STK32C: variants seen among roughly 807,000 people sequenced by gnomAD.
STK32C encodes the protein serine/threonine-protein kinase 32C.
In STK32C, 31 loss-of-function variants were observed where a neutral mutation model predicts 56.5. The observed-to-expected ratio is 0.55, with a 90% confidence interval of 0.41 to 0.74. STK32C has a LOEUF of 0.74. STK32C is among the 30% of genes least tolerant of loss of function. The pLI is 0.00. For synonymous variants in STK32C, 309 were observed against 289.4 expected (o/e 1.07, Z -0.69); for missense variants, 544 against 676.9 (o/e 0.80, Z 2.18).
At chr10:132,318,829 A>G (rs949887932) in intron 1 of STK32C, among the ~76,000 whole-genome samples, 1 of 151,748 alleles carries the variant, frequency 6.6e-6, no homozygotes, top group Non-Finnish European at 1.5e-5. Context: ...TTAAACCTCC[A>G]TGAGATACAA....
intron 1 of STK32C, among the ~76,000 whole-genome samples, chr10:132,282,478 C>A (rs960594225): frequency 9.4e-6 from 1 of 106,414 alleles, no homozygotes; most frequent in South Asian, 2.8e-4. Context: ...CCTGTACCTG[C>A]GCCCACCTGT....
At chr10:132,238,217 C>G (rs1051909417) in intron 2 of STK32C, among the ~76,000 whole-genome samples, 8 of 152,204 alleles carry the variant, frequency 5.3e-5, no homozygotes, top group African/African-American at 1.9e-4. Flanking sequence ...CTCTCGGAGG[C>G]CCCCACGGGA....
intron 1 of STK32C, among the ~76,000 whole-genome samples, chr10:132,284,121 A>C (rs2065302141): frequency 6.6e-6 from 1 of 151,728 alleles, no homozygotes; most frequent in South Asian, 2.1e-4. Context: ...GGGCACGTGG[A>C]CCACAGGAGG....
intron 1 of STK32C, among the ~76,000 whole-genome samples, chr10:132,281,027 G>GCCCC (rs1564773552): frequency 4.0e-4 from 59 of 146,398 alleles, no homozygotes; most frequent in East Asian, 1.0e-3. Flanking sequence ...CCGTGATCAC[G>GCCCC]TCCCTGCACT....
At position 132,245,237 on chromosome 10, in the gene STK32C, C is replaced by T. The variant is rs1315430708; in HGVS notation, c.318+663G>A. Among the ~76,000 whole-genome samples, 6 of 152,184 alleles carry T rather than the reference C, an allele frequency of 3.9e-5. No individual in the cohort carries two copies. In the South Asian group the frequency reaches 6.2e-4, roughly 16 times the overall value. On this transcript the variant is annotated intron_variant, in intron 2 of 11. Coordinates refer to ENST00000298630, the MANE Select transcript of STK32C (RefSeq NM_173575.4). Reference sequence around the variant, plus strand: ...GGCAGCACCCATCTGCTAAGCCTCCCGGGACAGCTGAAAAGAACTGTCCAT... The same window carrying T: ...GGCAGCACCCATCTGCTAAGCCTCCTGGGACAGCTGAAAAGAACTGTCCAT...
intron 1 of STK32C, among the ~76,000 whole-genome samples, chr10:132,264,415 G>C (rs534518231): frequency 6.6e-6 from 1 of 152,334 alleles, no homozygotes; most frequent in African/African-American, 2.4e-5. Flanking sequence ...CTCGAGCTGG[G>C]AGTAGGCGTT....
chr10:132,302,073 T>C (rs1038472441), intron 1 of STK32C, among the ~76,000 whole-genome samples: 12 of 152,066 alleles, frequency 7.9e-5, no homozygotes, highest in African/African-American at 2.9e-4. Context: ...CCTGGGTGAC[T>C]GGGGGTCCGG....
In STK32C at chr10:132,316,866, C is replaced by T. The variant is rs559831765; in HGVS notation, c.301+14570G>A. ...GTCAAGAGATTGAGACCATCTTGGC[C>T]AACATGATGAAACCCCGACTCTAAA... On this transcript the variant is annotated intron_variant, in intron 1 of 3. Transcript: ENST00000368620. 2.6e-5 allele frequency among the ~76,000 whole-genome samples: 4 copies of T among 151,898 alleles called. No homozygotes were observed. In the East Asian group the frequency reaches 7.7e-4, roughly 29 times the overall value.
chr10:132,222,831 GC>G, intron 9 of STK32C, 29 bp downstream of exon 9: 5 of 1,591,002 alleles, frequency 3.1e-6, no homozygotes, highest in Admixed American at 3.5e-5. Flanking sequence ...CATCCCCAGG[GC>G]CCCCCACCTG....
rs1449910082 is a variant in STK32C, at chr10:132,253,533, GC to G, written c.263-7579del. Among the ~76,000 whole-genome samples the G allele has an allele frequency of 1.1e-4, 15 of 133,440 alleles. 1 individual carries two copies. The East Asian group carries it at 3.2e-3, about 29-fold the overall frequency. The allele number at this position is 133,440 out of a possible 152,430, so 87.5% of individuals were successfully genotyped here. On this transcript the variant is annotated intron_variant, in intron 1 of 11. Coordinates refer to ENST00000298630, the MANE Select transcript of STK32C (RefSeq NM_173575.4). Reference sequence around the variant, plus strand: ...GAGGGAGCTGAGGGAGCCGGAGGGAGCTGGAGGGAGTCGAGGGAGCTGGAGG... The same window carrying G: ...GAGGGAGCTGAGGGAGCCGGAGGGAGTGGAGGGAGTCGAGGGAGCTGGAGG...
intron 1 of STK32C, among the ~76,000 whole-genome samples, chr10:132,304,959 C>T (rs1215779803): frequency 6.6e-6 from 1 of 152,216 alleles, no homozygotes; most frequent in African/African-American, 2.4e-5. Flanking sequence ...GCGAGCGCCC[C>T]CCAGGTTGCA....
intron 1 of STK32C, among the ~76,000 whole-genome samples, chr10:132,289,686 T>C (rs1374923443): frequency 6.6e-6 from 1 of 152,244 alleles, no homozygotes; most frequent in Non-Finnish European, 1.5e-5. Flanking sequence ...AGCTGTCTTC[T>C]CTCCATGTTC....
At chr10:132,297,611 G>A (rs2065792401) in intron 1 of STK32C, among the ~76,000 whole-genome samples, 1 of 152,182 alleles carries the variant, frequency 6.6e-6, no homozygotes, top group Non-Finnish European at 1.5e-5. Context: ...TGCCTTTGGA[G>A]ATAAAACATC....
chr10:132,301,865 G>A (rs915481161), intron 1 of STK32C, among the ~76,000 whole-genome samples: 17 of 152,214 alleles, frequency 1.1e-4, no homozygotes, highest in Admixed American at 5.2e-4. Context: ...CAGGCCCATC[G>A]GGAGCCCGGG....
intron 1 of STK32C, among the ~76,000 whole-genome samples, chr10:132,315,317 G>C (rs2066291781): frequency 6.6e-6 from 1 of 152,050 alleles, no homozygotes. Context: ...AGGCCTGCTG[G>C]GGGTTTGGGG....
chr10:132,258,689 G>A (rs79749558), intron 1 of STK32C, among the ~76,000 whole-genome samples: 5,079 of 152,310 alleles, frequency 0.033, 131 homozygotes, highest in African/African-American at 0.066. Context: ...CCACGCTGAC[G>A]CTGTGAGGGC....
At chr10:132,236,307 C>A (rs1476623257) in intron 2 of STK32C, among the ~76,000 whole-genome samples, 2 of 152,234 alleles carry the variant, frequency 1.3e-5, no homozygotes, top group African/African-American at 4.8e-5. Context: ...CCGGAAATGG[C>A]CAACAATGTC....
chr10:132,305,550 G>A (rs957195429), intron 1 of STK32C, among the ~76,000 whole-genome samples: 5 of 152,160 alleles, frequency 3.3e-5, no homozygotes, highest in Non-Finnish European at 4.4e-5. Flanking sequence ...GTGCTGCCAC[G>A]GGGCCACGAA....
chr10:132,230,358 G>C (rs1046378523), intron 2 of STK32C, among the ~76,000 whole-genome samples: 29 of 152,338 alleles, frequency 1.9e-4, no homozygotes, highest in African/African-American at 6.7e-4. Context: ...TTCCTCCCAT[G>C]CACACGGCCG....
Sources: gnomAD v4.1 joint callset for allele counts (sites outside exome capture counted in the v4.1 genomes callset) on GRCh38, gnomAD v4.1.1 for gene constraint, MANE v1.5 for transcripts, NCBI Gene and HGNC (gene_info 2026-07-23, HGNC 2026-07-21) for gene names.